The following PUM1 variants were observed in gnomAD, a reference collection of about 807,000 sequenced individuals.
PUM1 encodes pumilio homolog 1.
A neutral mutation model predicts 131.8 loss-of-function variants in PUM1; 13 were observed. The observed-to-expected ratio is 0.10, with a 90% CI of 0.06 to 0.16. The LOEUF (loss-of-function observed/expected upper bound fraction) is 0.16, where lower values mean the gene tolerates loss of function less well. Among genes scored for constraint, PUM1 ranks in the 10% least tolerant of loss-of-function variants. PUM1 has a pLI of 1.00. For missense variants in PUM1, 961 were observed against 1,512.4 expected, an observed-to-expected ratio of 0.64 and a Z score of 6.05; for synonymous variants, 509 against 556.5, an observed-to-expected ratio of 0.91 and a Z score of 1.20.
intron 5 of PUM1, among the ~76,000 whole-genome samples, chr1:31,005,048 G>A (rs1325460688): frequency 1.3e-5 from 2 of 152,232 alleles, no homozygotes; most frequent in African/African-American, 4.8e-5. Flanking sequence ...CTTCCTGTCT[G>A]TGACCTGGAA....
At chr1:30,941,914 G>A (rs1407747817) in intron 19 of PUM1, 84 bp downstream of exon 19, 2 of 1,329,008 alleles carry the variant, frequency 1.5e-6, no homozygotes, top group African/African-American at 3.0e-5. Flanking sequence ...ACCTCTTCTG[G>A]AACCTACACT....
chr1:30,965,350 G>A (rs916745882), intron 13 of PUM1, among the ~76,000 whole-genome samples: 10 of 152,108 alleles, frequency 6.6e-5, no homozygotes, highest in African/African-American at 1.2e-4. Flanking sequence ...GGGTTCAATC[G>A]AGAGTTAATG....
rs201640558 is a variant in PUM1 at position 31,035,733 on chromosome 1, G to A, written c.364-6869C>T. 1.4e-4 allele frequency among the ~76,000 whole-genome samples: 21 copies of A among 151,726 alleles called. No individual in the cohort carries two copies. The East Asian group carries it at 2.1e-3, about 15-fold the overall frequency. ...GCCACTGCACTCCTGCCTGGGCAACGAGAGTGAAACTCCATCTCAAATAAA... is the reference window on the plus strand; with the variant it reads ...GCCACTGCACTCCTGCCTGGGCAACAAGAGTGAAACTCCATCTCAAATAAA... On this transcript the variant is annotated intron_variant, in intron 2 of 21. Coordinates refer to ENST00000426105, the MANE Select transcript of PUM1 (RefSeq NM_001020658.2).
intron 14 of PUM1, among the ~76,000 whole-genome samples, chr1:30,961,998 G>A (rs1465350476): frequency 1.3e-5 from 2 of 152,142 alleles, no homozygotes; most frequent in Non-Finnish European, 2.9e-5. Context: ...ATGTCTTTAA[G>A]GCCTTTGTAT....
intron 3 of PUM1, among the ~76,000 whole-genome samples, chr1:31,023,216 T>C (rs573309829): frequency 6.6e-6 from 1 of 152,042 alleles, no homozygotes; most frequent in South Asian, 2.1e-4. Flanking sequence ...GGGGAATTAA[T>C]TACACTGCTT....
chr1:30,941,647 T>C (rs1216861998), intron 19 of PUM1, among the ~76,000 whole-genome samples: 1 of 152,194 alleles, frequency 6.6e-6, no homozygotes, highest in Non-Finnish European at 1.5e-5. Context: ...ATCAGTGGTA[T>C]AAGCAGAGAA....
At chr1:30,939,232 C>T (rs761729678) in intron 20 of PUM1, among the ~76,000 whole-genome samples, 20 of 152,146 alleles carry the variant, frequency 1.3e-4, no homozygotes, top group Non-Finnish European at 2.5e-4. Flanking sequence ...AGAGAAGTGC[C>T]CTCCACTCCT....
rs200104068 is a variant in PUM1 at position 31,036,561 on chromosome 1, T to C, written c.364-7697A>G. ...CAGACTCTCATCTCTACAAAAAATA[T>C]GTTCAGGCAAACATCCTGCTCCCCA... On this transcript the variant is annotated intron_variant, in intron 2 of 21. Transcript: ENST00000426105. Among the ~76,000 whole-genome samples the C allele has an allele frequency of 3.1e-3, 465 of 152,206 alleles. 3 individuals carry two copies. The South Asian group carries it at 0.032, about 11-fold the overall frequency.
Position 30,983,099 on chromosome 1 carries a change from G to A in PUM1, c.1159-1694C>T, listed in dbSNP as rs146405729. ...GTCCTCCAGGAAGGGAGCCAGTCAA[G>A]ACTATTTGGTAACAGTGTGCTTGTG... On this transcript the variant is annotated intron_variant, in intron 7 of 21. Transcript: ENST00000426105. 8.1e-3 allele frequency among the ~76,000 whole-genome samples: 1,236 copies of A among 152,310 alleles called. 21 individuals are homozygous for A. Among genetic ancestry groups the A allele is most frequent in the African/African-American group, 0.029 (1,186 of 41,566 alleles).
At chr1:30,937,929 A>G (rs938804636) in intron 20 of PUM1, among the ~76,000 whole-genome samples, 2 of 151,922 alleles carry the variant, frequency 1.3e-5, no homozygotes, top group African/African-American at 4.8e-5. Flanking sequence ...CCGCCATGAC[A>G]CCGGGCTAAT....
intron 7 of PUM1, among the ~76,000 whole-genome samples, chr1:30,988,018 CTT>C (rs561387540): frequency 2.3e-4 from 35 of 152,138 alleles, no homozygotes; most frequent in Non-Finnish European, 4.0e-4. Context: ...ATATAATTAA[CTT>C]TGTTTTTAAA....
intron 10 of PUM1, among the ~76,000 whole-genome samples, chr1:30,970,182 T>C (rs755116033): frequency 6.6e-6 from 1 of 152,198 alleles, no homozygotes; most frequent in Non-Finnish European, 1.5e-5. Context: ...AATTTCACTG[T>C]GTTATTTATA....
intron 3 of PUM1, among the ~76,000 whole-genome samples, chr1:31,008,064 A>G (rs1231770154): frequency 6.6e-6 from 1 of 152,176 alleles, no homozygotes; most frequent in African/African-American, 2.4e-5. Context: ...ACCATTTTTG[A>G]GCACAAAAAT....
At chr1:31,000,635 C>A (rs539898830) in intron 5 of PUM1, among the ~76,000 whole-genome samples, 2 of 152,140 alleles carry the variant, frequency 1.3e-5, no homozygotes, top group African/African-American at 4.8e-5. Context: ...CTCTTACTGC[C>A]GTGATCTTAA....
chr1:31,036,194 C>G (rs1249121651), intron 2 of PUM1, among the ~76,000 whole-genome samples: 1 of 152,022 alleles, frequency 6.6e-6, no homozygotes, highest in Admixed American at 6.5e-5. Flanking sequence ...CTCAGCCTCC[C>G]GAGTAGCTGG....
chr1:31,015,135 C>T (rs183216331), intron 3 of PUM1, among the ~76,000 whole-genome samples: 1 of 152,064 alleles, frequency 6.6e-6, no homozygotes, highest in African/African-American at 2.4e-5. Flanking sequence ...CCTTTTGGAT[C>T]AAGACTGGAA....
At chr1:30,950,063 G>A (rs999204425) in intron 17 of PUM1, 64 bp downstream of exon 17, 46 of 1,507,902 alleles carry the variant, frequency 3.1e-5, no homozygotes, top group Middle Eastern at 1.8e-4. Flanking sequence ...AGAATTACAG[G>A]GTTCACTACA....
At chr1:30,969,868 G>A (rs1395983697) in intron 10 of PUM1, among the ~76,000 whole-genome samples, 1 of 152,122 alleles carries the variant, frequency 6.6e-6, no homozygotes, top group Non-Finnish European at 1.5e-5. Context: ...TCACCATGTT[G>A]TTCAGGCTAA....
chr1:30,946,792 C>T (rs190877924), intron 17 of PUM1, among the ~76,000 whole-genome samples: 2 of 151,780 alleles, frequency 1.3e-5, no homozygotes, highest in East Asian at 3.9e-4. Context: ...AGCCATAATC[C>T]CAGCTACTCT....
Sources: allele counts gnomAD v4.1 joint callset (sites outside exome capture counted in the v4.1 genomes callset), GRCh38; gene constraint gnomAD v4.1.1; transcripts MANE v1.5; gene names NCBI Gene and HGNC (gene_info 2026-07-23, HGNC 2026-07-21).